The following METTL22 variants were observed in gnomAD, a reference collection of about 807,000 sequenced individuals.
METTL22 encodes methyltransferase 22, Kin17 lysine, also known as methyltransferase-like protein 22.
In METTL22, 51 loss-of-function variants were observed where a neutral mutation model predicts 48.4. The observed-to-expected ratio is 1.05, with a 90% CI of 0.84 to 1.33. The LOEUF is 1.33. Among genes scored for constraint, METTL22 ranks in the 40% most tolerant of loss-of-function variants. METTL22 has a pLI of 0.00. For synonymous variants in METTL22, 255 were observed against 214.1 expected (o/e 1.19, Z -1.67); for missense variants, 678 against 526.9 (o/e 1.29, Z -2.81).
chr16:8,647,960 G>A lies in METTL22; in HGVS notation c.*1817G>A, dbSNP rs2056832794. On this transcript the variant is annotated 3_prime_UTR_variant, in exon 11 of 11. Coordinates refer to ENST00000381920, the MANE Select transcript of METTL22 (RefSeq NM_024109.4). ...CCACCCATGTCCATCTGACTCCTGAGCCTGTGCTTTTCCCACATTCCCGCT... is the reference window on the plus strand; with the variant it reads ...CCACCCATGTCCATCTGACTCCTGAACCTGTGCTTTTCCCACATTCCCGCT... 1 of 152,286 alleles carries A rather than the reference G, an allele frequency of 6.6e-6. No homozygotes were observed. The highest frequency in any genetic ancestry group is 2.4e-5 in the African/African-American group (1 of 41,468). 9.4% of individuals were successfully genotyped at this position (152,286 alleles called of 1,614,324 possible). A position where few individuals can be genotyped will look rare whatever the true frequency, so the allele number is the denominator to read the frequency against.
chr16:8,642,901 T>G (rs1641059), intron 9 of METTL22: 1 of 292,330 alleles, frequency 3.4e-6, no homozygotes, highest in Non-Finnish European at 6.6e-6. Flanking sequence ...CACACACTGT[T>G]GAGAGCTTCT....
intron 2 of METTL22, among the ~76,000 whole-genome samples, chr16:8,626,374 C>G (rs1273103713): frequency 1.3e-5 from 2 of 152,048 alleles, no homozygotes; most frequent in African/African-American, 4.8e-5. Context: ...TACGAATGAG[C>G]CAAACTTTGC....
chr16:8,662,145 G>C, the METTL22 span, among the ~76,000 whole-genome samples: 2 of 145,638 alleles, frequency 1.4e-5, no homozygotes, highest in South Asian at 2.2e-4. Flanking sequence ...AGGAGGCCAA[G>C]GCAAGAGAAT....
chr16:8,624,596 T>C (rs1288217116), intron 1 of METTL22, among the ~76,000 whole-genome samples: 1 of 152,050 alleles, frequency 6.6e-6, no homozygotes, highest in Non-Finnish European at 1.5e-5. Flanking sequence ...CCAGGCATGA[T>C]GGCTCACGCC....
At chr16:8,655,415 C>T in the METTL22 span, among the ~76,000 whole-genome samples, 2 of 152,192 alleles carry the variant, frequency 1.3e-5, no homozygotes, top group Non-Finnish European at 2.9e-5. Flanking sequence ...GTGGGCCTCT[C>T]TAGGGGGCCT....
chr16:8,657,322 T>G, the METTL22 span, among the ~76,000 whole-genome samples: 1 of 152,194 alleles, frequency 6.6e-6, no homozygotes, highest in Non-Finnish European at 1.5e-5. Context: ...AAGGATATTA[T>G]TCTCGGTTGA....
chr16:8,661,263 T>C, the METTL22 span, among the ~76,000 whole-genome samples: 1 of 151,872 alleles, frequency 6.6e-6, no homozygotes, highest in African/African-American at 2.4e-5. Flanking sequence ...ACTAACCTGC[T>C]ATACATTGTA....
At chr16:8,654,365 T>C (rs2056936137), downstream of METTL22, among the ~76,000 whole-genome samples, 1 of 152,162 alleles carries the variant, frequency 6.6e-6, no homozygotes, top group Non-Finnish European at 1.5e-5. Flanking sequence ...TGTTTATAGG[T>C]GGAAAGTTAC....
At chr16:8,645,819 T>G (rs1439784045) in intron 10 of METTL22, 4 of 698,218 alleles carry the variant, frequency 5.7e-6, no homozygotes, top group Non-Finnish European at 7.5e-6. Flanking sequence ...AATGGAGAGA[T>G]ACGGCAACTC....
Position 8,646,336 on chromosome 16 carries a change from T to C in METTL22, c.*193T>C, listed in dbSNP as rs1567249730. On this transcript the variant is annotated 3_prime_UTR_variant, in exon 11 of 11. Transcript: ENST00000381920. ...AGTTGTAGCCAGAGAAGGTTGTTGCTGTGGGCTGGAGGTCACTTTAGTTGC... is the reference window on the plus strand; with the variant it reads ...AGTTGTAGCCAGAGAAGGTTGTTGCCGTGGGCTGGAGGTCACTTTAGTTGC... 2.6e-6 allele frequency: 2 copies of C among 769,576 alleles called. No individual in the cohort carries two copies. Among genetic ancestry groups the C allele is most frequent in the Admixed American group, 4.0e-5 (2 of 49,996 alleles). 47.7% of individuals were successfully genotyped at this position (769,576 alleles called of 1,614,324 possible). A position where few individuals can be genotyped will look rare whatever the true frequency, so the allele number is the denominator to read the frequency against.
chr16:8,658,163 G>A, the METTL22 span, among the ~76,000 whole-genome samples: 4 of 152,290 alleles, frequency 2.6e-5, no homozygotes, highest in African/African-American at 7.2e-5. Context: ...GAGAACCACA[G>A]TGAAGATGGC....
chr16:8,627,873 A>G (rs1168264513), intron 2 of METTL22, among the ~76,000 whole-genome samples: 3 of 152,114 alleles, frequency 2.0e-5, no homozygotes, highest in Non-Finnish European at 4.4e-5. Context: ...CAGCCTCCCA[A>G]GTAGCTGGGA....
At chr16:8,626,196 C>T (rs2056044634) in intron 2 of METTL22, among the ~76,000 whole-genome samples, 1 of 152,068 alleles carries the variant, frequency 6.6e-6, no homozygotes, top group Non-Finnish European at 1.5e-5. Flanking sequence ...TCTTGCTAGC[C>T]CAGGCTGGTT....
At position 8,621,767 on chromosome 16, in the gene METTL22, C is replaced by G. The variant is rs1372602334; in HGVS notation, c.-179C>G. ...GTCGGGTGGGATCCCAGGCTGGGCC[C>G]CGCGGCGGGTAAGTGCCTGGGAGAG... is the stretch of plus-strand genomic sequence containing the variant. On this transcript the variant is annotated 5_prime_UTR_variant, in exon 1 of 11. Coordinates refer to ENST00000381920, the MANE Select transcript of METTL22 (RefSeq NM_024109.4). 6.6e-6 allele frequency: 1 copy of G among 152,274 alleles called. No homozygotes were observed. The highest frequency in any genetic ancestry group is 1.5e-5 in the Non-Finnish European group (1 of 68,102). The allele number at this position is 152,274 out of a possible 1,614,324, so 9.4% of individuals were successfully genotyped here. A position where few individuals can be genotyped will look rare whatever the true frequency, so the allele number is the denominator to read the frequency against.
intron 1 of METTL22, among the ~76,000 whole-genome samples, chr16:8,623,081 A>G (rs1321569298): frequency 6.6e-6 from 1 of 152,114 alleles, no homozygotes; most frequent in African/African-American, 2.4e-5. Flanking sequence ...TGGGAGGCCA[A>G]GGTAGATGGA....
chr16:8,626,735 C>T (rs867966385), intron 2 of METTL22, among the ~76,000 whole-genome samples: 4 of 149,598 alleles, frequency 2.7e-5, no homozygotes, highest in South Asian at 2.1e-4. Context: ...GGGCATGAAC[C>T]ACCGCATCCA....
chr16:8,628,104 A>T (rs1056751489), intron 2 of METTL22, among the ~76,000 whole-genome samples: 1 of 152,220 alleles, frequency 6.6e-6, no homozygotes, highest in Non-Finnish European at 1.5e-5. Context: ...TGGTTGCCAC[A>T]TCTGTGTCAC....
In METTL22 at chr16:8,642,168, G is replaced by C. The variant is rs180917466; in HGVS notation, c.868G>C (p.Asp290His). The change falls in exon 8 of 11, where the codon GAC becomes CAC. Residue 290 changes from aspartate (D) to histidine (H), a missense_variant. Physicochemically the swap from Asp to His is moderately conservative, Grantham distance 81. Coordinates refer to ENST00000381920, the MANE Select transcript of METTL22 (RefSeq NM_024109.4). ...PFSWSQEEIS[D>H]LYDHTTILFA... is the part of the protein sequence containing the mutation. ...CAGTTGGTCACAAGAGGAAATTTCTGACTTGTACGATCACACCACCATCCT... is the reference window on the plus strand; with the variant it reads ...CAGTTGGTCACAAGAGGAAATTTCTCACTTGTACGATCACACCACCATCCT... 38 of 1,613,914 alleles carry C rather than the reference G, an allele frequency of 2.4e-5. 1 individual carries two copies. The East Asian group carries it at 7.6e-4, about 32-fold the overall frequency.
intron 5 of METTL22, among the ~76,000 whole-genome samples, 193 bp from the exon 6 acceptor site, chr16:8,638,898 C>CT (rs2056505736): frequency 6.6e-6 from 1 of 152,176 alleles, no homozygotes; most frequent in Non-Finnish European, 1.5e-5. Flanking sequence ...AGGAGAATCT[C>CT]TTATTTAGGG....
Sources: gnomAD v4.1 joint callset for allele counts (sites outside exome capture counted in the v4.1 genomes callset) on GRCh38, gnomAD v4.1.1 for gene constraint, MANE v1.5 for transcripts, NCBI Gene and HGNC (gene_info 2026-07-23, HGNC 2026-07-21) for gene names.